Variants in CD96 observed in about 807,000 individuals in gnomAD.
CD96 encodes CD96 molecule.
In CD96, 70 loss-of-function variants were observed where a neutral mutation model predicts 71.3. The ratio of observed to expected loss-of-function variants is 0.98; its 90% confidence interval spans 0.81 to 1.20. The LOEUF (loss-of-function observed/expected upper bound fraction) is 1.20. Among genes scored for constraint, CD96 ranks in the 50% most tolerant of loss-of-function variants. The pLI is 0.00. For missense variants in CD96, 742 were observed against 677.5 expected (o/e 1.10, Z -1.06); for synonymous variants, 248 against 233.0 (o/e 1.06, Z -0.59).
intron 10 of CD96, among the ~76,000 whole-genome samples, chr3:111,627,134 G>T (rs1938809111): frequency 6.6e-6 from 1 of 152,206 alleles, no homozygotes; most frequent in Admixed American, 6.5e-5. Context: ...CAAAACAATA[G>T]CCATAACCCT....
chr3:111,596,471 G>C (rs893906628), intron 5 of CD96, among the ~76,000 whole-genome samples: 2 of 152,126 alleles, frequency 1.3e-5, no homozygotes, highest in Non-Finnish European at 2.9e-5. Context: ...ACGTTAACCA[G>C]AGTTCTTCAG....
chr3:111,616,955 T>C (rs1938272157), intron 8 of CD96, among the ~76,000 whole-genome samples: 1 of 152,126 alleles, frequency 6.6e-6, no homozygotes, highest in Non-Finnish European at 1.5e-5. Context: ...TTCCACCCCC[T>C]GGACTCTTCC....
At chr3:111,665,243 G>A (rs1940455362) in intron 14 of CD96, among the ~76,000 whole-genome samples, 1 of 151,704 alleles carries the variant, frequency 6.6e-6, no homozygotes, top group African/African-American at 2.4e-5. Context: ...AACTTTTTTT[G>A]AAGTTTGAAA....
At chr3:111,589,117 A>G (rs888776364) in intron 5 of CD96, among the ~76,000 whole-genome samples, 1 of 151,060 alleles carries the variant, frequency 6.6e-6, no homozygotes, top group South Asian at 2.1e-4. Context: ...TGCCTGGCTA[A>G]TTTTTTGTAT....
intron 10 of CD96, among the ~76,000 whole-genome samples, chr3:111,626,619 A>G (rs1203619846): frequency 6.6e-6 from 1 of 152,210 alleles, no homozygotes; most frequent in African/African-American, 2.4e-5. Flanking sequence ...TATGCATGAG[A>G]TATGCACACA....
chr3:111,605,740 A>T (rs1191804365), intron 7 of CD96, among the ~76,000 whole-genome samples: 1 of 152,306 alleles, frequency 6.6e-6, no homozygotes, highest in East Asian at 1.9e-4. Flanking sequence ...AGAAAAACCA[A>T]TTCCTCCCAC....
chr3:111,565,146 T>A (rs1012601307), intron 2 of CD96, among the ~76,000 whole-genome samples: 2 of 152,218 alleles, frequency 1.3e-5, no homozygotes, highest in East Asian at 3.8e-4. Context: ...GATTACCTGT[T>A]ACTAGGCAGA....
At chr3:111,602,824 A>G (rs571749213) in intron 7 of CD96, among the ~76,000 whole-genome samples, 1 of 152,322 alleles carries the variant, frequency 6.6e-6, no homozygotes, top group Admixed American at 6.5e-5. Flanking sequence ...CCTGAGTGCT[A>G]GATTAGAGAA....
intron 14 of CD96, among the ~76,000 whole-genome samples, chr3:111,665,172 A>AGTGTGT (rs3082291): frequency 2.0e-5 from 3 of 149,356 alleles, no homozygotes; most frequent in Admixed American, 6.7e-5. Context: ...AGATGGAATA[A>AGTGTGT]GTGTGTGTGT....
downstream of CD96, among the ~76,000 whole-genome samples, chr3:111,653,018 T>TC (rs1940143829): frequency 6.6e-6 from 1 of 152,100 alleles, no homozygotes; most frequent in Admixed American, 6.6e-5. Flanking sequence ...ACATTGTTAT[T>TC]CATATGTTCG....
intron 2 of CD96, among the ~76,000 whole-genome samples, chr3:111,553,436 T>G (rs564837617): frequency 0.042 from 853 of 20,374 alleles, 8 homozygotes; most frequent in African/African-American, 0.14. Flanking sequence ...TCTTTTTTCT[T>G]TTTTTTTTTT....
At chr3:111,558,417 G>T (rs71616124) in intron 2 of CD96, among the ~76,000 whole-genome samples, 47,282 of 123,440 alleles carry the variant, frequency 0.38, 9,789 homozygotes, top group Middle Eastern at 0.53. Context: ...TTAGCATGAA[G>T]GGTTGTTGAA....
chr3:111,619,059 A>G (rs575548430), intron 8 of CD96, among the ~76,000 whole-genome samples: 1 of 152,164 alleles, frequency 6.6e-6, no homozygotes, highest in Non-Finnish European at 1.5e-5. Flanking sequence ...GCCTTCCTCT[A>G]CCTTTCCTTT....
intron 2 of CD96, among the ~76,000 whole-genome samples, chr3:111,555,441 C>A (rs1039397278): frequency 1.6e-4 from 24 of 152,364 alleles, no homozygotes; most frequent in African/African-American, 5.8e-4. Context: ...CAGATTTTTT[C>A]ATTTTTAATT....
chr3:111,556,284 G>A (rs1332459355), intron 2 of CD96, among the ~76,000 whole-genome samples: 11 of 112,936 alleles, frequency 9.7e-5, no homozygotes, highest in East Asian at 2.6e-4. Flanking sequence ...TACATGTGCC[G>A]TGCTGGTGCG....
At chr3:111,587,208 C>T (rs1936754398) in intron 5 of CD96, among the ~76,000 whole-genome samples, 1 of 152,190 alleles carries the variant, frequency 6.6e-6, no homozygotes, top group Non-Finnish European at 1.5e-5. Flanking sequence ...AGGTGGGTTC[C>T]CATAGTCTTA....
At chr3:111,640,832 T>G (rs1241505048) in intron 12 of CD96, among the ~76,000 whole-genome samples, 2 of 152,210 alleles carry the variant, frequency 1.3e-5, no homozygotes, top group Non-Finnish European at 2.9e-5. Flanking sequence ...GGGACCTATC[T>G]TGAACCTCCT....
At chr3:111,635,367 C>G (rs543269495) in intron 10 of CD96, among the ~76,000 whole-genome samples, 1 of 152,268 alleles carries the variant, frequency 6.6e-6, no homozygotes, top group African/African-American at 2.4e-5. Flanking sequence ...AAATAACTCC[C>G]TACTTTTCCA....
At chr3:111,600,151 G>A (rs988747838) in intron 6 of CD96, among the ~76,000 whole-genome samples, 1 of 152,158 alleles carries the variant, frequency 6.6e-6, no homozygotes, top group African/African-American at 2.4e-5. Flanking sequence ...TACACTTACA[G>A]CCAGGAGTCC....
Sources: allele counts gnomAD v4.1 joint callset (sites outside exome capture counted in the v4.1 genomes callset), GRCh38; gene constraint gnomAD v4.1.1; transcripts MANE v1.5; gene names NCBI Gene and HGNC (gene_info 2026-07-23, HGNC 2026-07-21).